ZNF823: variants seen among roughly 807,000 people sequenced by gnomAD.
The protein encoded by ZNF823 is zinc finger protein 823, also known as ZFP 36 for a zinc finger protein.
A neutral mutation model predicts 11.4 loss-of-function variants in ZNF823; 5 were observed. The ratio of observed to expected loss-of-function variants is 0.44; its 90% CI spans 0.23 to 0.92. The LOEUF (loss-of-function observed/expected upper bound fraction) is 0.92, where lower values mean the gene tolerates loss of function less well. Among genes scored for constraint, ZNF823 ranks in the 40% least tolerant of loss-of-function variants. The pLI, the probability that ZNF823 is intolerant of heterozygous loss-of-function variation, is 0.24. For missense variants in ZNF823, 582 were observed against 738.5 expected, an observed-to-expected ratio of 0.79 and a Z score of 2.46; for synonymous variants, 234 against 250.5, an observed-to-expected ratio of 0.93 and a Z score of 0.62.
intron 1 of ZNF823, among the ~76,000 whole-genome samples, chr19:11,725,669 T>C (rs930519418): frequency 6.6e-6 from 1 of 152,178 alleles, no homozygotes; most frequent in Non-Finnish European, 1.5e-5. Flanking sequence ...GTAGAAGAGT[T>C]ACCACTCCCA....
intron 1 of ZNF823, among the ~76,000 whole-genome samples, chr19:11,733,271 G>A (rs1974934159): frequency 6.6e-6 from 1 of 150,930 alleles, no homozygotes; most frequent in Non-Finnish European, 1.5e-5. Context: ...GGAGACTGAG[G>A]CAGGAGAATA....
intron 1 of ZNF823, among the ~76,000 whole-genome samples, chr19:11,727,877 C>G (rs1974820188): frequency 6.7e-6 from 1 of 149,100 alleles, no homozygotes; most frequent in Admixed American, 6.9e-5. Context: ...GAAACAGGCT[C>G]TCTTTTCTTT....
intron 3 of ZNF823, 115 bp downstream of exon 3, chr19:11,724,079 T>C (rs914035708): frequency 2.4e-6 from 2 of 835,334 alleles, no homozygotes; most frequent in East Asian, 2.9e-5. Flanking sequence ...AAAGAATTAT[T>C]GGAATGAATA....
At chr19:11,738,426 G>A (rs10404024) in intron 1 of ZNF823, among the ~76,000 whole-genome samples, 31 of 152,212 alleles carry the variant, frequency 2.0e-4, no homozygotes, top group African/African-American at 7.2e-4. Flanking sequence ...TCAGGGAGGC[G>A]GATCTGGGGT....
chr19:11,737,349 C>T (rs1230679879), intron 1 of ZNF823, among the ~76,000 whole-genome samples: 1 of 152,104 alleles, frequency 6.6e-6, no homozygotes, highest in Non-Finnish European at 1.5e-5. Flanking sequence ...CCGCAACCTC[C>T]GCCTACCGGG....
At chr19:11,733,803 T>A (rs1355848767) in intron 1 of ZNF823, among the ~76,000 whole-genome samples, 2 of 152,212 alleles carry the variant, frequency 1.3e-5, no homozygotes, top group Non-Finnish European at 2.9e-5. Context: ...AAAGGTGTCT[T>A]TCTCTAAGTC....
At chr19:11,735,289 A>AG (rs1974974728) in intron 1 of ZNF823, among the ~76,000 whole-genome samples, 1 of 149,188 alleles carries the variant, frequency 6.7e-6, no homozygotes, top group African/African-American at 2.6e-5. Context: ...AACAAAAAAA[A>AG]AAAAAAAAAA....
At chr19:11,732,052 C>T (rs541969016) in intron 1 of ZNF823, among the ~76,000 whole-genome samples, 48 of 149,612 alleles carry the variant, frequency 3.2e-4, no homozygotes, top group African/African-American at 1.0e-3. Flanking sequence ...ACTCATGAAA[C>T]TCAGCAAAAC....
At position 11,725,330 on chromosome 19, in the gene ZNF823, G is replaced by GA. The variant is rs1974771399; in HGVS notation, c.4-4dup. 1.2e-6 allele frequency: 2 copies of GA among 1,613,620 alleles called. No individual in the cohort carries two copies. The highest frequency in any genetic ancestry group is 8.5e-7 in the Non-Finnish European group (1 of 1,179,754). Reference sequence around the variant, plus strand: ...ACATCTTCAAAGGCCACTGAGTCCTGAAACATCCCACATGTGCAGAGGAGG... The same window carrying GA: ...ACATCTTCAAAGGCCACTGAGTCCTGAAAACATCCCACATGTGCAGAGGAGG... On this transcript the variant is annotated splice_region_variant and splice_polypyrimidine_tract_variant and intron_variant, in intron 1 of 3. Coordinates refer to ENST00000341191, the MANE Select transcript of ZNF823 (RefSeq NM_001080493.4).
chr19:11,738,864 T>A lies in ZNF823; in HGVS notation c.-45A>T. Reference sequence around the variant, plus strand: ...CGGGTGTCCTCCTTAAAAGCCAGTGTGGGTCCCAGCGCGACAGACGCTGAT... The same window carrying A: ...CGGGTGTCCTCCTTAAAAGCCAGTGAGGGTCCCAGCGCGACAGACGCTGAT... On this transcript the variant is annotated 5_prime_UTR_variant, in exon 1 of 4. Coordinates refer to ENST00000341191, the MANE Select transcript of ZNF823 (RefSeq NM_001080493.4). 3.1e-6 allele frequency: 5 copies of A among 1,600,076 alleles called. No individual in the cohort carries two copies. The highest frequency in any genetic ancestry group is 4.3e-6 in the Non-Finnish European group (5 of 1,173,690).
At chr19:11,725,876 C>T (rs187551146) in intron 1 of ZNF823, 1 of 154,022 alleles carries the variant, frequency 6.5e-6, no homozygotes, top group African/African-American at 2.4e-5. Flanking sequence ...GGAAGGATCA[C>T]TTAAGAACAG....
intron 1 of ZNF823, among the ~76,000 whole-genome samples, chr19:11,728,593 A>G (rs1974837954): frequency 6.6e-6 from 1 of 152,198 alleles, no homozygotes; most frequent in Non-Finnish European, 1.5e-5. Flanking sequence ...TTGAAACTGA[A>G]GGTCCATTAG....
chr19:11,735,683 C>T (rs1974980855), intron 1 of ZNF823, among the ~76,000 whole-genome samples: 1 of 152,070 alleles, frequency 6.6e-6, no homozygotes, highest in Non-Finnish European at 1.5e-5. Context: ...TCGCCTCAGG[C>T]TTCTCCACCC....
At chr19:11,737,818 C>T (rs1391274877) in intron 1 of ZNF823, among the ~76,000 whole-genome samples, 1 of 152,072 alleles carries the variant, frequency 6.6e-6, no homozygotes. Flanking sequence ...TTGCTGCCAG[C>T]CCTAGGAGGA....
intron 3 of ZNF823, among the ~76,000 whole-genome samples, chr19:11,723,639 G>A (rs1227921840): frequency 6.6e-6 from 1 of 152,066 alleles, no homozygotes; most frequent in Non-Finnish European, 1.5e-5. Flanking sequence ...TCTGCCTCTC[G>A]GATTCAAGCA....
rs1205131763 is a variant in ZNF823 at position 11,722,225 on chromosome 19, T to C, written c.1309A>G (p.Thr437Ala). ...TTATAGGGTTTCACTCCAGTGTGAGTTGCTTCATGTCTTCGAAGGGAACCG... is the reference window on the plus strand; with the variant it reads ...TTATAGGGTTTCACTCCAGTGTGAGCTGCTTCATGTCTTCGAAGGGAACCG... ...LAGSLRRHEA[T>A]HTGVKPYKCQ... Residue 437 changes from threonine (T) to alanine (A), a missense_variant, in exon 4 of 4, where the codon ACT (threonine) becomes GCT (alanine). By Grantham distance (58) the Thr-to-Ala change is moderately conservative. Around this residue, in one of 3 missense-constraint regions of ZNF823, gnomAD observed 429 missense variants for 553.7 expected, o/e 0.77. Coordinates refer to ENST00000341191, the MANE Select transcript of ZNF823 (RefSeq NM_001080493.4). The surrounding 1 kb of genome is among the most constrained non-coding windows in gnomAD (Gnocchi z 5.2). 6.2e-7 allele frequency: 1 copy of C among 1,614,020 alleles called. No individual in the cohort carries two copies. The highest frequency in any genetic ancestry group is 2.2e-5 in the East Asian group (1 of 44,862).
At chr19:11,731,910 G>T (rs951802581) in intron 1 of ZNF823, among the ~76,000 whole-genome samples, 11 of 151,144 alleles carry the variant, frequency 7.3e-5, no homozygotes, top group African/African-American at 2.7e-4. Flanking sequence ...TCGGGAGGCT[G>T]AGACAGGAGA....
chr19:11,729,839 C>A (rs1433123454), intron 1 of ZNF823, among the ~76,000 whole-genome samples: 1 of 152,034 alleles, frequency 6.6e-6, no homozygotes, highest in East Asian at 1.9e-4. Flanking sequence ...TACTATCCTA[C>A]AAGTTACGTT....
intron 1 of ZNF823, among the ~76,000 whole-genome samples, chr19:11,726,556 T>C (rs1381423870): frequency 6.6e-6 from 1 of 151,578 alleles, no homozygotes; most frequent in Non-Finnish European, 1.5e-5. Flanking sequence ...ATCTCAGGAG[T>C]AGGCCTAGTG....
Sources: gnomAD v4.1 joint callset for allele counts (sites outside exome capture counted in the v4.1 genomes callset) on GRCh38, gnomAD v4.1.1 for gene constraint, gnomAD v4.1.1 regional missense constraint, Gnocchi (gnomAD v3.1) non-coding constraint, MANE v1.5 for transcripts, NCBI Gene and HGNC (gene_info 2026-07-23, HGNC 2026-07-21) for gene names.